Variants in ODAD2 observed in about 807,000 individuals in gnomAD.
The protein encoded by ODAD2 is outer dynein arm-docking complex subunit 2.
ODAD2 carries 89 observed loss-of-function variants against 106.8 expected under a neutral mutation model. The ratio of observed to expected loss-of-function variants is 0.83; its 90% confidence interval spans 0.70 to 0.99. ODAD2 has a LOEUF of 0.99. Among genes scored for constraint, ODAD2 ranks in the 50% least tolerant of loss-of-function variants. The pLI is 0.00. For missense variants in ODAD2, 1,168 were observed against 1,238.5 expected (o/e 0.94, Z 0.85); for synonymous variants, 404 against 436.2 (o/e 0.93, Z 0.92).
intron 17 of ODAD2, among the ~76,000 whole-genome samples, chr10:27,876,087 C>T (rs1429128020): frequency 2.0e-5 from 3 of 152,170 alleles, no homozygotes; most frequent in African/African-American, 7.2e-5. Flanking sequence ...CTCAAGGATG[C>T]CTGCCTGTCA....
At chr10:27,915,986 G>A (rs1844343174) in intron 16 of ODAD2, among the ~76,000 whole-genome samples, 1 of 152,178 alleles carries the variant, frequency 6.6e-6, no homozygotes, top group Non-Finnish European at 1.5e-5. Flanking sequence ...GAAGGATGAA[G>A]AGAGAATCTC....
chr10:27,944,892 C>A lies in ODAD2; in HGVS notation c.1457G>T (p.Cys486Phe). 6.2e-7 allele frequency: 1 copy of A among 1,614,186 alleles called. No homozygotes were observed. Among genetic ancestry groups the A allele is most frequent in the Non-Finnish European group, 8.5e-7 (1 of 1,180,014 alleles). ...MRDFSLAQET[C>F]QLAIRDVGGL... ...TCCAACATCTCTGATGGCCAACTGG[C>A]AGGTTTCTTGAGCTAAGCTGAAATC... Residue 486 changes from cysteine to phenylalanine, a missense_variant, in exon 11 of 20, where the codon TGC becomes TTC. By Grantham distance (205) the Cys-to-Phe change is radical. Around this residue, in one of 3 missense-constraint regions of ODAD2, gnomAD observed 701 missense variants for 712.3 expected, o/e 0.98. Transcript: ENST00000305242.
chr10:27,864,848 C>T (rs189366806), intron 17 of ODAD2, among the ~76,000 whole-genome samples: 1,731 of 151,694 alleles, frequency 0.011, 21 homozygotes, highest in Middle Eastern at 0.051. Context: ...GTACTACGCA[C>T]TTCACATAAG....
intron 8 of ODAD2, among the ~76,000 whole-genome samples, chr10:27,970,732 G>A (rs1243938444): frequency 1.3e-5 from 2 of 152,240 alleles, no homozygotes; most frequent in East Asian, 1.9e-4. Context: ...GGGAGGCTGA[G>A]GTGGGCAGAT....
At chr10:27,963,893 G>A (rs1272509621) in intron 9 of ODAD2, among the ~76,000 whole-genome samples, 2 of 152,086 alleles carry the variant, frequency 1.3e-5, no homozygotes, top group African/African-American at 4.8e-5. Context: ...CAATCTATGA[G>A]GTTGTCATTA....
chr10:27,976,821 T>A (rs904732786), intron 7 of ODAD2, among the ~76,000 whole-genome samples: 1 of 152,102 alleles, frequency 6.6e-6, no homozygotes, highest in Non-Finnish European at 1.5e-5. Context: ...CATTGGAGGA[T>A]TTAAAATAAA....
chr10:27,826,688 C>T (rs1837072314), intron 19 of ODAD2, among the ~76,000 whole-genome samples: 1 of 152,140 alleles, frequency 6.6e-6, no homozygotes, highest in Non-Finnish European at 1.5e-5. Flanking sequence ...CTGCATCCTC[C>T]TGCCTCCCTC....
chr10:27,967,949 C>T (rs1289362550), intron 9 of ODAD2, among the ~76,000 whole-genome samples: 2 of 150,554 alleles, frequency 1.3e-5, no homozygotes, highest in Non-Finnish European at 3.0e-5. Flanking sequence ...AAAATGTCTA[C>T]ATTTCAACTG....
At chr10:27,938,345 G>C (rs1165525615) in intron 14 of ODAD2, among the ~76,000 whole-genome samples, 1 of 152,130 alleles carries the variant, frequency 6.6e-6, no homozygotes, top group Admixed American at 6.6e-5. Context: ...TGCTGTCCAA[G>C]GGGAGAAAAT....
At chr10:27,970,193 C>T (rs1376169725) in intron 8 of ODAD2, among the ~76,000 whole-genome samples, 2 of 151,784 alleles carry the variant, frequency 1.3e-5, no homozygotes, top group Admixed American at 6.6e-5. Flanking sequence ...TAGCATTGGC[C>T]CTCAATTTTT....
intron 10 of ODAD2, chr10:27,957,689 C>A (rs41283708): frequency 4.6e-5 from 7 of 152,270 alleles, no homozygotes; most frequent in South Asian, 4.1e-4. Context: ...AGAATTTATA[C>A]ATATATAAAA....
intron 17 of ODAD2, among the ~76,000 whole-genome samples, chr10:27,899,316 C>T (rs187860022): frequency 2.6e-5 from 4 of 152,198 alleles, no homozygotes; most frequent in East Asian, 1.9e-4. Context: ...CTTTGCAACC[C>T]GCAGACCAGG....
intron 2 of ODAD2, among the ~76,000 whole-genome samples, chr10:27,993,331 T>TA (rs898150649): frequency 1.3e-5 from 2 of 152,144 alleles, no homozygotes; most frequent in African/African-American, 4.8e-5. Flanking sequence ...CTGGCACAGT[T>TA]AGAAATAAAA....
chr10:27,852,356 A>G (rs970092736), intron 19 of ODAD2, among the ~76,000 whole-genome samples: 4 of 152,264 alleles, frequency 2.6e-5, no homozygotes, highest in African/African-American at 9.6e-5. Context: ...AGTTGAGCTT[A>G]TAACACTTGT....
At chr10:27,900,707 G>A (rs1184419685) in intron 17 of ODAD2, among the ~76,000 whole-genome samples, 1 of 152,100 alleles carries the variant, frequency 6.6e-6, no homozygotes, top group Non-Finnish European at 1.5e-5. Flanking sequence ...CGGAAGAAAG[G>A]TTATCAGATA....
At chr10:27,817,265 T>G (rs1269323319) in intron 19 of ODAD2, among the ~76,000 whole-genome samples, 1 of 152,176 alleles carries the variant, frequency 6.6e-6, no homozygotes. Flanking sequence ...GCTCACAACT[T>G]TTAACTCATG....
At chr10:27,852,960 CAAAAAAAAAAAAAA>C (rs61548333) in intron 19 of ODAD2, among the ~76,000 whole-genome samples, 5 of 84,758 alleles carry the variant, frequency 5.9e-5, no homozygotes, top group African/African-American at 2.3e-4. Context: ...GACACAGTCT[CAAAAAAAAAAAAAA>C]AAAAAAGAAA....
chr10:27,873,932 A>T (rs1353328202), intron 17 of ODAD2, among the ~76,000 whole-genome samples: 2 of 152,076 alleles, frequency 1.3e-5, no homozygotes, highest in African/African-American at 4.8e-5. Context: ...TGTCTCGTTG[A>T]TCCGTCTAAT....
At chr10:27,874,375 T>C (rs1194554543) in intron 17 of ODAD2, among the ~76,000 whole-genome samples, 1 of 152,210 alleles carries the variant, frequency 6.6e-6, no homozygotes, top group Admixed American at 6.5e-5. Flanking sequence ...AATATTGTTA[T>C]GTGTGATTTG....
Sources: allele counts gnomAD v4.1 joint callset (sites outside exome capture counted in the v4.1 genomes callset), GRCh38; gene constraint gnomAD v4.1.1; regional missense constraint gnomAD v4.1.1; transcripts MANE v1.5; gene names NCBI Gene and HGNC (gene_info 2026-07-23, HGNC 2026-07-21).